Variants in TGIF1 observed in about 807,000 individuals in gnomAD.
The protein encoded by TGIF1 is TGFB induced factor homeobox 1.
In TGIF1, 4 loss-of-function variants were observed where a neutral mutation model predicts 19.3. The observed-to-expected ratio is 0.21, with a 90% CI of 0.10 to 0.47. TGIF1 has a LOEUF of 0.47. Ranked by LOEUF, TGIF1 falls within the 20% of genes least tolerant of loss-of-function variation. TGIF1 has a pLI of 0.98. For missense variants in TGIF1, 275 were observed against 341.4 expected, an observed-to-expected ratio of 0.81 and a Z score of 1.53; for synonymous variants, 122 against 129.3, an observed-to-expected ratio of 0.94 and a Z score of 0.38.
chr18:3,413,325 A>T (rs1236397560), intron 1 of TGIF1, among the ~76,000 whole-genome samples: 1 of 152,232 alleles, frequency 6.6e-6, no homozygotes. Context: ...AAGTTTGCTA[A>T]CTACCATTAT....
At chr18:3,443,780 G>T (rs560112896) in intron 2 of TGIF1, among the ~76,000 whole-genome samples, 1 of 151,604 alleles carries the variant, frequency 6.6e-6, no homozygotes, top group African/African-American at 2.4e-5. Context: ...TGATCTGCCC[G>T]CCTTGGCCTC....
chr18:3,453,756 C>G, intron 1 of TGIF1: 1 of 978,786 alleles, frequency 1.0e-6, no homozygotes, highest in Non-Finnish European at 1.2e-6. Context: ...GATCCTCAGG[C>G]CATGTTGTGG....
chr18:3,425,544 AGGCT>A (rs1372389191), intron 2 of TGIF1, among the ~76,000 whole-genome samples: 1 of 152,136 alleles, frequency 6.6e-6, no homozygotes, highest in East Asian at 1.9e-4. Flanking sequence ...ACGTCTTTTC[AGGCT>A]TTTGCATTTC....
chr18:3,455,947 A>G (rs1485974454), intron 1 of TGIF1: 1 of 323,916 alleles, frequency 3.1e-6, no homozygotes, highest in Non-Finnish European at 6.0e-6. Context: ...TGCTTTTCCT[A>G]GTTAGCACTG....
At chr18:3,445,766 A>AACC (rs2082737087), upstream of TGIF1, among the ~76,000 whole-genome samples, 1 of 15,830 alleles carries the variant, frequency 6.3e-5, no homozygotes, top group Non-Finnish European at 1.3e-4. Context: ...GAAGAAAAGC[A>AACC]AAAAAAAAAA....
chr18:3,424,003 C>A (rs142734649), intron 2 of TGIF1, among the ~76,000 whole-genome samples: 10 of 152,204 alleles, frequency 6.6e-5, no homozygotes, highest in Non-Finnish European at 1.3e-4. Context: ...AAGGGGTCTG[C>A]GTCACCAACA....
intron 2 of TGIF1, among the ~76,000 whole-genome samples, chr18:3,433,985 A>G (rs537308022): frequency 6.6e-6 from 1 of 152,328 alleles, no homozygotes; most frequent in South Asian, 2.1e-4. Flanking sequence ...CTTCCCCAGA[A>G]CTGATTACAA....
chr18:3,426,312 A>G (rs562307685), intron 2 of TGIF1, among the ~76,000 whole-genome samples: 3 of 151,732 alleles, frequency 2.0e-5, no homozygotes, highest in African/African-American at 7.3e-5. Flanking sequence ...GGGACTACAG[A>G]TGCACATCAC....
Position 3,450,298 on chromosome 18 carries a change from A to G in TGIF1, c.-192A>G. 2 of 1,445,484 alleles carry G rather than the reference A, an allele frequency of 1.4e-6. No homozygotes were observed. The highest frequency in any genetic ancestry group is 1.5e-5 in the South Asian group (1 of 67,482). The allele number at this position is 1,445,484 out of a possible 1,614,324, so 89.5% of individuals were successfully genotyped here. A position where few individuals can be genotyped will look rare whatever the true frequency, so the allele number is the denominator to read the frequency against. ...GAAGATCCCGGCGGGAGGAAGCCCA[A>G]GTGTCACTTGAATTCCACCCAAGGA... On this transcript the variant is annotated 5_prime_UTR_variant, in exon 1 of 3. Coordinates refer to ENST00000343820, the MANE Select transcript of TGIF1 (RefSeq NM_003244.4).
intron 1 of TGIF1, among the ~76,000 whole-genome samples, chr18:3,417,347 A>T (rs2082346235): frequency 6.6e-6 from 1 of 152,056 alleles, no homozygotes; most frequent in Non-Finnish European, 1.5e-5. Flanking sequence ...TTTAGTAGAG[A>T]TGGGGTTTCA....
intron 1 of TGIF1, chr18:3,413,167 A>AT (rs1246396084): frequency 3.9e-5 from 6 of 152,252 alleles, no homozygotes; most frequent in African/African-American, 1.4e-4. Context: ...AGAAATGCTC[A>AT]TTGTCTCGCT....
intron 2 of TGIF1, among the ~76,000 whole-genome samples, chr18:3,439,772 G>A (rs184692942): frequency 2.0e-5 from 3 of 152,200 alleles, no homozygotes; most frequent in African/African-American, 7.2e-5. Context: ...TGTAATCCCA[G>A]CACTTGGGGA....
chr18:3,452,907 C>T (rs2083026095), intron 1 of TGIF1, among the ~76,000 whole-genome samples: 1 of 152,142 alleles, frequency 6.6e-6, no homozygotes. Flanking sequence ...AGAGTGACGC[C>T]AAAAGATCTC....
intron 1 of TGIF1, among the ~76,000 whole-genome samples, chr18:3,414,395 G>A (rs1004697145): frequency 2.0e-5 from 3 of 152,188 alleles, no homozygotes; most frequent in Admixed American, 1.3e-4. Flanking sequence ...ATTATAGCAT[G>A]TTCCAGGCCA....
At chr18:3,423,972 C>G (rs1378252048) in intron 2 of TGIF1, among the ~76,000 whole-genome samples, 4 of 152,146 alleles carry the variant, frequency 2.6e-5, no homozygotes, top group Non-Finnish European at 1.5e-5. Context: ...AGAGGGCAGC[C>G]ACGATGGAGT....
intron 2 of TGIF1, among the ~76,000 whole-genome samples, chr18:3,437,229 T>C (rs1222966051): frequency 2.0e-5 from 3 of 152,180 alleles, no homozygotes; most frequent in Non-Finnish European, 2.9e-5. Context: ...CAATCGATAG[T>C]TGACATGACT....
Position 3,457,259 on chromosome 18 carries a change from T to G in TGIF1, c.244-106T>G, listed in dbSNP as rs114478561. Reference sequence around the variant, plus strand: ...AATTCAGATAAGGCTTTTCATGCTTTCTTTAATTCAGAGAGCAAGATCAAT... The same window carrying G: ...AATTCAGATAAGGCTTTTCATGCTTGCTTTAATTCAGAGAGCAAGATCAAT... On this transcript the variant is annotated intron_variant, in intron 2 of 2. Transcript: ENST00000343820. This position sits in a 1 kb window ranked among gnomAD's most constrained non-coding sequence, Gnocchi z 4.9. 2,151 of 1,227,708 alleles carry G rather than the reference T, an allele frequency of 1.8e-3. 26 individuals carry two copies. The African/African-American group carries it at 0.028, about 16-fold the overall frequency. The allele number at this position is 1,227,708 out of a possible 1,614,324, so 76.1% of individuals were successfully genotyped here.
chr18:3,448,679 TA>T (rs1190381299), upstream of TGIF1: 6 of 964,666 alleles, frequency 6.2e-6, no homozygotes, highest in Admixed American at 3.7e-4. Flanking sequence ...CCAGGCTTTT[TA>T]AACTCTGGCC....
At chr18:3,444,275 C>A (rs2082711598) in intron 2 of TGIF1, among the ~76,000 whole-genome samples, 1 of 145,430 alleles carries the variant, frequency 6.9e-6, no homozygotes, top group South Asian at 2.3e-4. Context: ...CTTATAGTCT[C>A]ACTTTCTTTT....
Sources: allele counts gnomAD v4.1 joint callset (sites outside exome capture counted in the v4.1 genomes callset), GRCh38; gene constraint gnomAD v4.1.1; non-coding constraint Gnocchi (gnomAD v3.1); transcripts MANE v1.5; gene names NCBI Gene and HGNC (gene_info 2026-07-23, HGNC 2026-07-21).